Variants in KCTD16 observed in about 807,000 individuals in gnomAD.
KCTD16 encodes the protein BTB/POZ domain-containing protein KCTD16.
A neutral mutation model predicts 33.2 loss-of-function variants in KCTD16; 13 were observed. The observed-to-expected ratio is 0.39, with a 90% CI of 0.25 to 0.62. KCTD16 has a LOEUF of 0.62. KCTD16 is among the 20% of genes least tolerant of loss of function. KCTD16 has a pLI of 0.50. For synonymous variants in KCTD16, 197 were observed against 195.3 expected (o/e 1.01, Z -0.07); for missense variants, 441 against 525.1 (o/e 0.84, Z 1.57).
chr5:144,375,862 G>A (rs1268273504), intron 3 of KCTD16, among the ~76,000 whole-genome samples: 2 of 151,870 alleles, frequency 1.3e-5, no homozygotes, highest in South Asian at 2.1e-4. Flanking sequence ...CCAGGCTGGA[G>A]TGCAGTGGTG....
chr5:144,437,689 T>A (rs1377067140), intron 3 of KCTD16, among the ~76,000 whole-genome samples: 1 of 152,174 alleles, frequency 6.6e-6, no homozygotes, highest in Non-Finnish European at 1.5e-5. Flanking sequence ...CCAGCCGTTG[T>A]TTTTCCTATT....
intron 3 of KCTD16, among the ~76,000 whole-genome samples, chr5:144,253,399 G>A (rs1455131125): frequency 6.6e-6 from 1 of 152,106 alleles, no homozygotes; most frequent in East Asian, 1.9e-4. Flanking sequence ...ACTTATCACA[G>A]GCTATGATGT....
intron 3 of KCTD16, among the ~76,000 whole-genome samples, chr5:144,422,886 C>T (rs901331503): frequency 6.6e-6 from 1 of 151,998 alleles, no homozygotes; most frequent in Admixed American, 6.6e-5. Context: ...TAACCTTATG[C>T]AATAGTTTAT....
At chr5:144,251,874 T>A (rs1476959706) in intron 3 of KCTD16, among the ~76,000 whole-genome samples, 1 of 152,170 alleles carries the variant, frequency 6.6e-6, no homozygotes, top group Non-Finnish European at 1.5e-5. Context: ...AGTCTTTCTT[T>A]TGAAAAATAC....
At chr5:144,432,776 C>T (rs1261677885) in intron 3 of KCTD16, among the ~76,000 whole-genome samples, 3 of 151,980 alleles carry the variant, frequency 2.0e-5, no homozygotes, top group Admixed American at 1.3e-4. Flanking sequence ...TTGAATTGCC[C>T]TAGACTTTCT....
intron 3 of KCTD16, among the ~76,000 whole-genome samples, chr5:144,223,443 T>C (rs1408336277): frequency 1.3e-5 from 2 of 152,140 alleles, no homozygotes; most frequent in Admixed American, 6.5e-5. Flanking sequence ...TAGGTTTTAA[T>C]AGAATGGTAG....
intron 2 of KCTD16, among the ~76,000 whole-genome samples, chr5:144,181,422 A>G (rs975118012): frequency 2.6e-5 from 4 of 152,224 alleles, no homozygotes; most frequent in East Asian, 1.9e-4. Flanking sequence ...TTTTGGGTCT[A>G]TATAGCCAAA....
intron 3 of KCTD16, among the ~76,000 whole-genome samples, chr5:144,458,104 G>C (rs1350808723): frequency 6.6e-6 from 1 of 152,168 alleles, no homozygotes; most frequent in Non-Finnish European, 1.5e-5. Flanking sequence ...ACAGTCATAA[G>C]AAGAACTGGT....
intron 3 of KCTD16, among the ~76,000 whole-genome samples, chr5:144,439,919 TC>T (rs1036825124): frequency 6.6e-6 from 1 of 150,712 alleles, no homozygotes; most frequent in Non-Finnish European, 1.5e-5. Context: ...CATGTTAAAA[TC>T]CTTGATTAAA....
At chr5:144,306,163 C>T (rs900814996) in intron 3 of KCTD16, among the ~76,000 whole-genome samples, 1 of 152,216 alleles carries the variant, frequency 6.6e-6, no homozygotes, top group African/African-American at 2.4e-5. Context: ...CTCCCATGCT[C>T]AGAGTTTATA....
chr5:144,397,716 G>A (rs1752606380), intron 3 of KCTD16, among the ~76,000 whole-genome samples: 1 of 152,132 alleles, frequency 6.6e-6, no homozygotes, highest in Admixed American at 6.6e-5. Context: ...CCAAAAAAGA[G>A]CCCGCATTGC....
chr5:144,330,815 G>A (rs10078262), intron 3 of KCTD16, among the ~76,000 whole-genome samples: 8,757 of 152,240 alleles, frequency 0.058, 843 homozygotes, highest in African/African-American at 0.2. Flanking sequence ...AAGATCTGGT[G>A]TGATCCCGAA....
intron 3 of KCTD16, among the ~76,000 whole-genome samples, chr5:144,358,084 C>T (rs148860594): frequency 2.7e-5 from 4 of 148,956 alleles, no homozygotes; most frequent in East Asian, 1.9e-4. Context: ...GCACCACACC[C>T]GGCTAATTTT....
chr5:144,177,186 A>G (rs1356927020), intron 2 of KCTD16, among the ~76,000 whole-genome samples: 2 of 152,176 alleles, frequency 1.3e-5, no homozygotes, highest in Admixed American at 1.3e-4. Flanking sequence ...AACTCTCTCA[A>G]TTAGAGTTAT....
chr5:144,388,898 A>T (rs1348272938), intron 3 of KCTD16, among the ~76,000 whole-genome samples: 2 of 152,238 alleles, frequency 1.3e-5, no homozygotes, highest in Non-Finnish European at 2.9e-5. Flanking sequence ...AAATATATGT[A>T]CATATATGTG....
chr5:144,216,956 A>T (rs1180786839), intron 3 of KCTD16, among the ~76,000 whole-genome samples: 1 of 152,172 alleles, frequency 6.6e-6, no homozygotes, highest in Non-Finnish European at 1.5e-5. Context: ...AAGGACAGCT[A>T]AGCTCTGGTA....
At chr5:144,268,314 G>A (rs1024559456) in intron 3 of KCTD16, among the ~76,000 whole-genome samples, 16 of 152,296 alleles carry the variant, frequency 1.1e-4, no homozygotes, top group African/African-American at 3.4e-4. Flanking sequence ...GCTACACATC[G>A]CGCTATTGTT....
intron 3 of KCTD16, among the ~76,000 whole-genome samples, chr5:144,326,949 A>G (rs1038342290): frequency 6.6e-6 from 1 of 152,326 alleles, no homozygotes; most frequent in African/African-American, 2.4e-5. Flanking sequence ...GTATAAATTC[A>G]GTAACTGAGC....
intron 2 of KCTD16, among the ~76,000 whole-genome samples, chr5:144,201,436 T>G (rs1441545917): frequency 6.6e-6 from 1 of 152,182 alleles, no homozygotes; most frequent in Non-Finnish European, 1.5e-5. Flanking sequence ...GAACTCAATT[T>G]CTATGTTTGG....
Sources: gnomAD v4.1 joint callset for allele counts (sites outside exome capture counted in the v4.1 genomes callset) on GRCh38, gnomAD v4.1.1 for gene constraint, MANE v1.5 for transcripts, NCBI Gene and HGNC (gene_info 2026-07-23, HGNC 2026-07-21) for gene names.